The following DTWD2 variants were observed in gnomAD, a reference collection of about 807,000 sequenced individuals.
DTWD2 encodes the protein DTW motif tRNA-uridine aminocarboxypropyltransferase 2, also known as tRNA-uridine aminocarboxypropyltransferase 2.
In DTWD2, 39 loss-of-function variants were observed where a neutral mutation model predicts 31.8. The observed-to-expected ratio is 1.22, with a 90% CI of 0.95 to 1.60. The LOEUF (loss-of-function observed/expected upper bound fraction) is 1.60. Among genes scored for constraint, DTWD2 ranks in the 40% most tolerant of loss-of-function variants. The pLI is 0.00. For synonymous variants in DTWD2, 180 were observed against 142.8 expected (o/e 1.26, Z -1.86); for missense variants, 515 against 381.5 (o/e 1.35, Z -2.92).
At chr5:118,857,510 T>A (rs1044704984) in intron 4 of DTWD2, among the ~76,000 whole-genome samples, 1 of 152,206 alleles carries the variant, frequency 6.6e-6, no homozygotes, top group Non-Finnish European at 1.5e-5. Context: ...TTTACAAAAA[T>A]TGGGCTGTCT....
intron 4 of DTWD2, among the ~76,000 whole-genome samples, chr5:118,871,809 G>A (rs1458567116): frequency 1.3e-5 from 2 of 152,150 alleles, no homozygotes; most frequent in Admixed American, 6.5e-5. Context: ...CTCACCAGCT[G>A]CATTATCCCC....
chr5:118,946,460 C>T (rs936131464), intron 1 of DTWD2, among the ~76,000 whole-genome samples: 2 of 152,124 alleles, frequency 1.3e-5, no homozygotes, highest in East Asian at 3.8e-4. Flanking sequence ...GGATGAGGTA[C>T]ATTCAAATTC....
intron 5 of DTWD2, among the ~76,000 whole-genome samples, chr5:118,845,551 T>C (rs1751832943): frequency 6.6e-6 from 1 of 152,214 alleles, no homozygotes; most frequent in Non-Finnish European, 1.5e-5. Flanking sequence ...CTGCTCACTC[T>C]CCCACCATGT....
chr5:118,861,786 G>C (rs1439349197), intron 4 of DTWD2, among the ~76,000 whole-genome samples: 5 of 152,160 alleles, frequency 3.3e-5, no homozygotes, highest in African/African-American at 1.2e-4. Context: ...ATAGTACTTA[G>C]TGGTAGGTCC....
Position 118,836,599 on chromosome 5 carries a change from G to A in DTWD2, c.*4318C>T, listed in dbSNP as rs1463950157. Among the ~76,000 whole-genome samples the A allele has an allele frequency of 1.3e-5, 2 of 152,168 alleles. No individual in the cohort carries two copies. The highest frequency in any genetic ancestry group is 2.4e-5 in the African/African-American group (1 of 41,436). On this transcript the variant is annotated 3_prime_UTR_variant, in exon 6 of 6. Transcript: ENST00000510708. Reference sequence around the variant, plus strand: ...TATTTCTCTAATATGCTTTTTAGTAGAGTACAGGAGTTGCTATGGTCTGAA... The same window carrying A: ...TATTTCTCTAATATGCTTTTTAGTAAAGTACAGGAGTTGCTATGGTCTGAA...
intron 4 of DTWD2, among the ~76,000 whole-genome samples, chr5:118,927,260 C>T (rs1753829032): frequency 1.5e-5 from 2 of 134,348 alleles, no homozygotes; most frequent in South Asian, 2.4e-4. Flanking sequence ...TGCATGGGGT[C>T]GGGGGAGGGA....
chr5:118,902,956 C>CA (rs1205392152), intron 4 of DTWD2, among the ~76,000 whole-genome samples: 2 of 152,040 alleles, frequency 1.3e-5, no homozygotes, highest in Non-Finnish European at 1.5e-5. Flanking sequence ...CATTATATTA[C>CA]ATCCTTTGGG....
intron 1 of DTWD2, among the ~76,000 whole-genome samples, chr5:118,954,947 T>G (rs1754552185): frequency 6.6e-6 from 1 of 152,184 alleles, no homozygotes; most frequent in African/African-American, 2.4e-5. Context: ...TTATGCCCTC[T>G]CTGGTACTTA....
intron 1 of DTWD2, among the ~76,000 whole-genome samples, chr5:118,967,514 A>G (rs367730790): frequency 1.3e-5 from 2 of 152,222 alleles, no homozygotes; most frequent in East Asian, 3.8e-4. Flanking sequence ...ACAGTGTCAG[A>G]AAGTAAGAAA....
At chr5:118,986,737 G>A (rs1755436142) in intron 1 of DTWD2, among the ~76,000 whole-genome samples, 1 of 151,966 alleles carries the variant, frequency 6.6e-6, no homozygotes, top group East Asian at 1.9e-4. Flanking sequence ...CCTAGTTAAA[G>A]CAAATAAAAT....
intron 5 of DTWD2, among the ~76,000 whole-genome samples, chr5:118,843,099 G>A (rs1751759383): frequency 6.6e-6 from 1 of 151,708 alleles, no homozygotes; most frequent in African/African-American, 2.4e-5. Context: ...TGGGACTATA[G>A]GTGCATGCCA....
chr5:118,972,238 G>C (rs1755003874), intron 1 of DTWD2, among the ~76,000 whole-genome samples: 1 of 152,088 alleles, frequency 6.6e-6, no homozygotes, highest in African/African-American at 2.4e-5. Flanking sequence ...GACTAATAAA[G>C]AAGAAAAGGT....
At chr5:118,948,732 T>C (rs1754394952) in intron 1 of DTWD2, among the ~76,000 whole-genome samples, 1 of 152,024 alleles carries the variant, frequency 6.6e-6, no homozygotes, top group African/African-American at 2.4e-5. Flanking sequence ...CTGTGTGTAA[T>C]GAAAAGGGTT....
At chr5:118,868,137 C>T (rs1422162781) in intron 4 of DTWD2, among the ~76,000 whole-genome samples, 2 of 151,962 alleles carry the variant, frequency 1.3e-5, no homozygotes, top group South Asian at 2.1e-4. Context: ...ATTTTCAATA[C>T]AGGTTACAAG....
At chr5:118,886,650 GAA>G (rs903883258) in intron 4 of DTWD2, among the ~76,000 whole-genome samples, 2 of 152,110 alleles carry the variant, frequency 1.3e-5, no homozygotes, top group Non-Finnish European at 2.9e-5. Context: ...AATGGAGAGA[GAA>G]TGCTGTATAC....
intron 4 of DTWD2, among the ~76,000 whole-genome samples, chr5:118,860,053 G>C (rs1752224313): frequency 6.6e-6 from 1 of 151,980 alleles, no homozygotes; most frequent in South Asian, 2.1e-4. Context: ...AGGAAGTTGA[G>C]GCTGCAGTGA....
At chr5:118,929,273 G>T (rs1411550670) in intron 3 of DTWD2, among the ~76,000 whole-genome samples, 1 of 152,176 alleles carries the variant, frequency 6.6e-6, no homozygotes, top group Non-Finnish European at 1.5e-5. Flanking sequence ...CCTTATGGAT[G>T]AACCCTAACC....
chr5:118,954,837 C>T (rs1049913737), intron 1 of DTWD2, among the ~76,000 whole-genome samples: 1 of 152,114 alleles, frequency 6.6e-6, no homozygotes, highest in African/African-American at 2.4e-5. Context: ...AATATCTTTA[C>T]ATTCCGTCTT....
intron 4 of DTWD2, among the ~76,000 whole-genome samples, chr5:118,910,425 A>C (rs2149570463): frequency 1.3e-5 from 2 of 152,288 alleles, no homozygotes; most frequent in South Asian, 2.1e-4. Context: ...TCCCATTTCC[A>C]TCTGAGACCT....
Sources: gnomAD v4.1 joint callset for allele counts (sites outside exome capture counted in the v4.1 genomes callset) on GRCh38, gnomAD v4.1.1 for gene constraint, MANE v1.5 for transcripts, NCBI Gene and HGNC (gene_info 2026-07-23, HGNC 2026-07-21) for gene names.